Variants in ST6GALNAC5 observed in about 807,000 individuals in gnomAD.
ST6GALNAC5 encodes the protein ST6 N-acetylgalactosaminide alpha-2,6-sialyltransferase 5.
Under a neutral mutation model 33.6 loss-of-function variants are expected in ST6GALNAC5, and 27 were observed. That is an observed-to-expected ratio of 0.80 (90% CI 0.59 to 1.11). The LOEUF (loss-of-function observed/expected upper bound fraction) is 1.11. Among genes scored for constraint, ST6GALNAC5 ranks in the 50% least tolerant of loss-of-function variants. ST6GALNAC5 has a pLI of 0.00. For missense variants in ST6GALNAC5, 428 were observed against 454.0 expected (o/e 0.94, Z 0.52); for synonymous variants, 194 against 171.2 (o/e 1.13, Z -1.04).
chr1:76,994,864 TGA>T (rs1649865271), intron 2 of ST6GALNAC5, among the ~76,000 whole-genome samples: 2 of 152,222 alleles, frequency 1.3e-5, no homozygotes, highest in South Asian at 4.1e-4. Flanking sequence ...TATGGGCTTA[TGA>T]CAAGACTAGA....
At chr1:76,925,128 TCTTTTAAA>T (rs1398300842) in intron 2 of ST6GALNAC5, among the ~76,000 whole-genome samples, 1 of 151,828 alleles carries the variant, frequency 6.6e-6, no homozygotes, top group Non-Finnish European at 1.5e-5. Context: ...CTACCTACAC[TCTTTTAAA>T]CAACCAGATC....
chr1:76,877,040 C>T (rs922131887), intron 2 of ST6GALNAC5, among the ~76,000 whole-genome samples: 1 of 152,200 alleles, frequency 6.6e-6, no homozygotes, highest in Non-Finnish European at 1.5e-5. Context: ...CTGTGCAAAA[C>T]CCGCTTTTTG....
At chr1:76,980,678 A>T (rs1649212860) in intron 2 of ST6GALNAC5, among the ~76,000 whole-genome samples, 1 of 152,232 alleles carries the variant, frequency 6.6e-6, no homozygotes. Context: ...TATGAAAAGA[A>T]GGGAATGGAA....
At chr1:76,960,085 T>A (rs1648167374) in intron 2 of ST6GALNAC5, among the ~76,000 whole-genome samples, 1 of 152,202 alleles carries the variant, frequency 6.6e-6, no homozygotes, top group Non-Finnish European at 1.5e-5. Flanking sequence ...ACTATGTTGG[T>A]ATATTCACCA....
intron 2 of ST6GALNAC5, among the ~76,000 whole-genome samples, chr1:76,974,773 CTTTTTT>C (rs60357939): frequency 1.5e-3 from 54 of 35,242 alleles, no homozygotes; most frequent in African/African-American, 5.6e-3. Context: ...TTCTTTCTTT[CTTTTTT>C]TTTTTTTTTT....
intron 2 of ST6GALNAC5, among the ~76,000 whole-genome samples, chr1:76,904,065 TG>T (rs1646842037): frequency 6.6e-6 from 1 of 152,188 alleles, no homozygotes; most frequent in African/African-American, 2.4e-5. Context: ...ATCTAAATTG[TG>T]AAAATAAAAC....
At chr1:76,994,813 A>G (rs1343017308) in intron 2 of ST6GALNAC5, among the ~76,000 whole-genome samples, 4 of 152,190 alleles carry the variant, frequency 2.6e-5, no homozygotes, top group African/African-American at 9.7e-5. Flanking sequence ...CCCAAACTCT[A>G]GAGGAGATTA....
chr1:76,967,387 A>G (rs1648540077), intron 2 of ST6GALNAC5, among the ~76,000 whole-genome samples: 1 of 152,070 alleles, frequency 6.6e-6, no homozygotes, highest in Non-Finnish European at 1.5e-5. Context: ...ATTTGCATAG[A>G]GGTGTTCATA....
chr1:77,020,999 C>A (rs558936371), intron 2 of ST6GALNAC5, among the ~76,000 whole-genome samples: 1 of 152,176 alleles, frequency 6.6e-6, no homozygotes, highest in East Asian at 1.9e-4. Flanking sequence ...GCAGAAGCCA[C>A]ATCACCAATT....
chr1:76,939,472 C>A (rs987372716), intron 2 of ST6GALNAC5, among the ~76,000 whole-genome samples: 1 of 152,060 alleles, frequency 6.6e-6, no homozygotes, highest in African/African-American at 2.4e-5. Flanking sequence ...GGATTATCCA[C>A]CCCAGCATTC....
In ST6GALNAC5 at chr1:76,868,741, A is replaced by G; in HGVS notation, c.260A>G (p.Lys87Arg). The change falls in exon 2 of 5, where the codon AAG (lysine) becomes AGG (arginine). Residue 87 changes from lysine to arginine, a missense_variant and splice_region_variant. Physicochemically the swap from Lys to Arg is conservative, Grantham distance 26. Transcript: ENST00000477717. This position sits in a 1 kb window ranked among gnomAD's most constrained non-coding sequence, Gnocchi z 4.3. ...LDGYLGVADH[K>R]PLKMHCRDCA... The stretch of plus-strand genomic sequence containing the variant: ...GGATACCTCGGAGTGGCGGACCACA[A>G]GGTGACAGCATGCCCGCCAGCCCGC... 1.3e-6 allele frequency: 2 copies of G among 1,497,460 alleles called. No homozygotes were observed. Among genetic ancestry groups the G allele is most frequent in the Non-Finnish European group, 1.8e-6 (2 of 1,126,786 alleles). The allele number at this position is 1,497,460 out of a possible 1,614,324, so 92.8% of individuals were successfully genotyped here.
intron 3 of ST6GALNAC5, among the ~76,000 whole-genome samples, chr1:77,047,125 C>T (rs138351534): frequency 2.8e-4 from 43 of 152,290 alleles, no homozygotes; most frequent in African/African-American, 1.0e-3. Flanking sequence ...CCAGGGTCCA[C>T]GTAGTCCCTA....
At chr1:77,058,433 C>T (rs992368989) in intron 4 of ST6GALNAC5, among the ~76,000 whole-genome samples, 7 of 152,142 alleles carry the variant, frequency 4.6e-5, no homozygotes, top group African/African-American at 1.7e-4. Flanking sequence ...TGAGTGAGTT[C>T]TCACTCTATT....
intron 4 of ST6GALNAC5, among the ~76,000 whole-genome samples, chr1:77,054,564 C>G (rs1421788194): frequency 6.6e-6 from 1 of 152,134 alleles, no homozygotes; most frequent in African/African-American, 2.4e-5. Context: ...AGAATCATCA[C>G]CTTATTATTG....
chr1:77,014,144 C>T (rs1460364329), intron 2 of ST6GALNAC5, among the ~76,000 whole-genome samples: 2 of 152,222 alleles, frequency 1.3e-5, no homozygotes, highest in Non-Finnish European at 2.9e-5. Flanking sequence ...TTTTCTATTT[C>T]ATAATTGATA....
At chr1:76,903,671 G>A (rs1646838594) in intron 2 of ST6GALNAC5, among the ~76,000 whole-genome samples, 1 of 152,076 alleles carries the variant, frequency 6.6e-6, no homozygotes, top group African/African-American at 2.4e-5. Context: ...ACAAAATGTG[G>A]CATAAAATAT....
intron 2 of ST6GALNAC5, among the ~76,000 whole-genome samples, chr1:76,899,948 TC>T (rs1442853804): frequency 6.6e-6 from 1 of 151,730 alleles, no homozygotes; most frequent in Non-Finnish European, 1.5e-5. Flanking sequence ...CCAAGGGAGG[TC>T]CCCCGATCCA....
chr1:76,968,290 G>T (rs1648585637), intron 2 of ST6GALNAC5, among the ~76,000 whole-genome samples: 2 of 152,154 alleles, frequency 1.3e-5, no homozygotes, highest in Non-Finnish European at 2.9e-5. Flanking sequence ...TATATATTAA[G>T]GATAGTTAGC....
At chr1:76,976,434 A>C (rs765708027) in intron 2 of ST6GALNAC5, among the ~76,000 whole-genome samples, 4 of 152,166 alleles carry the variant, frequency 2.6e-5, no homozygotes, top group Non-Finnish European at 5.9e-5. Context: ...ATTATATAAA[A>C]AGAACTTGAA....
Sources: gnomAD v4.1 joint callset for allele counts (sites outside exome capture counted in the v4.1 genomes callset) on GRCh38, gnomAD v4.1.1 for gene constraint, Gnocchi (gnomAD v3.1) non-coding constraint, MANE v1.5 for transcripts, NCBI Gene and HGNC (gene_info 2026-07-23, HGNC 2026-07-21) for gene names.